Variants in SLC41A3 observed in about 807,000 individuals in gnomAD.
SLC41A3 encodes the protein SLC41A1-like 2.
A neutral mutation model predicts 45.4 loss-of-function variants in SLC41A3; 44 were observed. That is an observed-to-expected ratio of 0.97 (90% CI 0.76 to 1.25). The LOEUF (loss-of-function observed/expected upper bound fraction) is 1.25, where lower values mean the gene tolerates loss of function less well. Ranked by LOEUF, SLC41A3 falls within the 50% of genes most tolerant of loss-of-function variation. The pLI is 0.00. For synonymous variants in SLC41A3, 256 were observed against 252.4 expected, an observed-to-expected ratio of 1.01 and a Z score of -0.13; for missense variants, 550 against 600.6, an observed-to-expected ratio of 0.92 and a Z score of 0.88.
chr3:126,027,146 C>T (rs1246493650), intron 4 of SLC41A3, among the ~76,000 whole-genome samples: 10 of 152,144 alleles, frequency 6.6e-5, no homozygotes, highest in Admixed American at 1.3e-4. Flanking sequence ...GCTCTGTAGC[C>T]CCACCAAGTC....
chr3:126,089,892 T>C (rs1470182393), intron 1 of SLC41A3, among the ~76,000 whole-genome samples: 1 of 152,206 alleles, frequency 6.6e-6, no homozygotes, highest in African/African-American at 2.4e-5. Context: ...TAATTCTAAC[T>C]CTGGGAGGAG....
At chr3:126,094,789 C>T (rs1186890068) in intron 1 of SLC41A3, among the ~76,000 whole-genome samples, 1 of 152,168 alleles carries the variant, frequency 6.6e-6, no homozygotes. Flanking sequence ...TCCAGACTCC[C>T]TATAAAAAGC....
Position 126,056,520 on chromosome 3 carries a change from G to A in SLC41A3, c.274-5470C>T, listed in dbSNP as rs201848691. ...AGCCTCGCAGCTTCTTGCCCTGAAA[G>A]CAAAACTCCAGATTCAGCTGGGTGA... On this transcript the variant is annotated intron_variant, in intron 2 of 10. Transcript: ENST00000360370. The A allele has an allele frequency of 4.9e-5, 79 of 1,614,116 alleles. 1 individual carries two copies. In the East Asian group the frequency reaches 1.0e-3, roughly 21 times the overall value.
Position 126,046,551 on chromosome 3 carries a change from G to C in SLC41A3, c.381+4392C>G, listed in dbSNP as rs1274425147. Among the ~76,000 whole-genome samples, 3 of 152,236 alleles carry C rather than the reference G, an allele frequency of 2.0e-5. No individual in the cohort carries two copies. The East Asian group carries it at 5.8e-4, about 29-fold the overall frequency. On this transcript the variant is annotated intron_variant, in intron 3 of 10. Transcript: ENST00000360370. ...AATACTTATGAATTAACTTAACCAA[G>C]AAGGCAAAAGACTAGTACACTAAAA...
chr3:126,006,952 G>T lies in SLC41A3; in HGVS notation c.*64C>A, dbSNP rs998402996. The T allele has an allele frequency of 3.7e-6, 6 of 1,604,752 alleles. No individual in the cohort carries two copies. Among genetic ancestry groups the T allele is most frequent in the South Asian group, 1.1e-5 (1 of 89,620 alleles). On this transcript the variant is annotated 3_prime_UTR_variant, in exon 11 of 11. Coordinates refer to ENST00000360370, the MANE Select transcript of SLC41A3 (RefSeq NM_017836.4). ...CCAAGGACCTGGCAAGGGAGAAACT[G>T]AATTCTGTATCCCACTGATGTGAGA... is the stretch of plus-strand genomic sequence containing the variant.
chr3:126,026,209 A>G lies in SLC41A3; in HGVS notation c.598+126T>C. The G allele has an allele frequency of 2.1e-6, 3 of 1,402,270 alleles. No homozygotes were observed. Among genetic ancestry groups the G allele is most frequent in the Non-Finnish European group, 2.9e-6 (3 of 1,045,576 alleles). The allele number at this position is 1,402,270 out of a possible 1,614,324, so 86.9% of individuals were successfully genotyped here. A position where few individuals can be genotyped will look rare whatever the true frequency, so the allele number is the denominator to read the frequency against. ...TCCCACCCTGCCAGTGAGAACCCTG[A>G]GCCCACCATCAGTCCCATTAGCAGT... is the stretch of plus-strand genomic sequence containing the variant. On this transcript the variant is annotated intron_variant, in intron 5 of 10. Transcript: ENST00000360370. This position sits in a 1 kb window ranked among gnomAD's most constrained non-coding sequence, Gnocchi z 4.2.
intron 1 of SLC41A3, among the ~76,000 whole-genome samples, chr3:126,101,022 C>T (rs376217283): frequency 1.3e-5 from 2 of 152,236 alleles, no homozygotes; most frequent in South Asian, 2.1e-4. Context: ...GGCAGTGAGT[C>T]GCCCCGGGGG....
intron 1 of SLC41A3, among the ~76,000 whole-genome samples, chr3:126,083,503 G>A (rs1028246941): frequency 6.6e-6 from 1 of 152,188 alleles, no homozygotes; most frequent in Non-Finnish European, 1.5e-5. Flanking sequence ...TCCCGGCTGG[G>A]CACCCCCAGG....
chr3:126,027,625 C>T (rs1941470093), intron 4 of SLC41A3, among the ~76,000 whole-genome samples: 1 of 152,116 alleles, frequency 6.6e-6, no homozygotes, highest in African/African-American at 2.4e-5. Flanking sequence ...TGGAAGCGAC[C>T]TTGGAGTTAG....
chr3:126,058,981 T>G (rs1943846063), intron 2 of SLC41A3, among the ~76,000 whole-genome samples: 1 of 151,712 alleles, frequency 6.6e-6, no homozygotes, highest in Non-Finnish European at 1.5e-5. Flanking sequence ...CAACGTACTC[T>G]CTGAACCTTC....
chr3:126,067,991 C>T lies in SLC41A3; in HGVS notation c.229G>A (p.Gly77Ser), dbSNP rs1944436092. The T allele has an allele frequency of 6.2e-7, 1 of 1,613,710 alleles. No individual in the cohort carries two copies. The highest frequency in any genetic ancestry group is 1.3e-5 in the African/African-American group (1 of 74,882). The change falls in exon 2 of 11, where the codon GGC (glycine) becomes AGC (serine). Residue 77 changes from glycine to serine, a missense_variant. Coordinates refer to ENST00000360370, the MANE Select transcript of SLC41A3 (RefSeq NM_017836.4). The stretch of plus-strand genomic sequence containing the variant: ...ATGCCGGCCCAGGACAGTCCCAGGC[C>T]TGCAAACATGAAGGGCACGGTCACC... The part of the protein sequence containing the change: ...LQVTVPFMFA[G>S]LGLSWAGMLL...
chr3:126,077,204 C>T (rs759004296), intron 1 of SLC41A3, among the ~76,000 whole-genome samples: 1 of 151,898 alleles, frequency 6.6e-6, no homozygotes, highest in African/African-American at 2.4e-5. Context: ...ATGGTGAGAC[C>T]TCATCTCTAT....
At chr3:126,021,612 C>A (rs545916999) in intron 6 of SLC41A3, among the ~76,000 whole-genome samples, 1 of 152,312 alleles carries the variant, frequency 6.6e-6, no homozygotes, top group Non-Finnish European at 1.5e-5. Context: ...TTCCTCCCTT[C>A]TCCTGCTCAT....
chr3:126,044,894 TCAAAAAAAAAAAA>T (rs1942853268), intron 3 of SLC41A3, among the ~76,000 whole-genome samples: 1 of 14,802 alleles, frequency 6.8e-5, no homozygotes. Flanking sequence ...AGACTCCATC[TCAAAAAAAAAAAA>T]AAAAAAAAAA....
chr3:126,101,124 G>A (rs938440356), intron 1 of SLC41A3, among the ~76,000 whole-genome samples: 3 of 152,208 alleles, frequency 2.0e-5, no homozygotes, highest in Non-Finnish European at 2.9e-5. Context: ...GCCCACATCC[G>A]CGGGGTTGGG....
chr3:126,017,320 A>G (rs1940402221), intron 6 of SLC41A3, among the ~76,000 whole-genome samples: 1 of 152,248 alleles, frequency 6.6e-6, no homozygotes, highest in African/African-American at 2.4e-5. Context: ...CTGCCTAGAC[A>G]GCAAGCAGCC....
At chr3:126,013,466 G>A (rs1416139791) in intron 8 of SLC41A3, among the ~76,000 whole-genome samples, 1 of 152,048 alleles carries the variant, frequency 6.6e-6, no homozygotes. Flanking sequence ...AGGAGGCTGA[G>A]GCAGGAGAAT....
intron 4 of SLC41A3, among the ~76,000 whole-genome samples, chr3:126,031,487 G>A (rs945301883): frequency 2.0e-5 from 3 of 152,180 alleles, no homozygotes; most frequent in Admixed American, 6.5e-5. Context: ...CCAGGGGACC[G>A]GCTCTTAGTG....
intron 3 of SLC41A3, among the ~76,000 whole-genome samples, chr3:126,047,608 T>A (rs1943047515): frequency 2.0e-5 from 3 of 152,104 alleles, no homozygotes; most frequent in Admixed American, 1.3e-4. Flanking sequence ...AAATATATGG[T>A]CAAATGACAA....
Sources: allele counts gnomAD v4.1 joint callset (sites outside exome capture counted in the v4.1 genomes callset), GRCh38; gene constraint gnomAD v4.1.1; non-coding constraint Gnocchi (gnomAD v3.1); transcripts MANE v1.5; gene names NCBI Gene and HGNC (gene_info 2026-07-23, HGNC 2026-07-21).